Variants in PCDHA13 observed in about 807,000 individuals in gnomAD.
The protein encoded by PCDHA13 is protocadherin alpha 13.
In PCDHA13, 54 loss-of-function variants were observed where a neutral mutation model predicts 64.8. The observed-to-expected ratio is 0.83, with a 90% confidence interval of 0.67 to 1.04. The LOEUF (loss-of-function observed/expected upper bound fraction) is 1.04, where lower values mean the gene tolerates loss of function less well. Among genes scored for constraint, PCDHA13 ranks in the 50% least tolerant of loss-of-function variants. PCDHA13 has a pLI of 0.00. For missense variants in PCDHA13, 1,248 were observed against 1,254.3 expected (o/e 0.99, Z 0.08); for synonymous variants, 587 against 564.4 (o/e 1.04, Z -0.57).
At chr5:141,009,255 G>A (rs2098403504) in intron 3 of PCDHA13, among the ~76,000 whole-genome samples, 1 of 152,162 alleles carries the variant, frequency 6.6e-6, no homozygotes. Context: ...CAGTGTTTGA[G>A]ACCAGCCTGG....
intron 1 of PCDHA13, among the ~76,000 whole-genome samples, chr5:140,925,696 A>G (rs2153579068): frequency 6.6e-6 from 1 of 150,926 alleles, no homozygotes; most frequent in African/African-American, 2.4e-5. Context: ...GTGGGTATCT[A>G]GCCTATTCTT....
At chr5:140,947,635 G>T (rs1170525936) in intron 1 of PCDHA13, among the ~76,000 whole-genome samples, 1 of 151,538 alleles carries the variant, frequency 6.6e-6, no homozygotes, top group Non-Finnish European at 1.5e-5. Flanking sequence ...TCATCAGATC[G>T]TATGAACATA....
At chr5:140,935,676 A>G (rs1168512325) in intron 1 of PCDHA13, among the ~76,000 whole-genome samples, 1 of 152,166 alleles carries the variant, frequency 6.6e-6, no homozygotes, top group Non-Finnish European at 1.5e-5. Context: ...TATGTGAAAT[A>G]TTTACATGGC....
At chr5:140,935,255 C>T (rs914593610) in intron 1 of PCDHA13, among the ~76,000 whole-genome samples, 4 of 152,150 alleles carry the variant, frequency 2.6e-5, no homozygotes, top group African/African-American at 9.7e-5. Context: ...TAAAATACAT[C>T]ACATGTTTAT....
At chr5:140,941,150 G>T (rs894422349) in intron 1 of PCDHA13, among the ~76,000 whole-genome samples, 1 of 151,436 alleles carries the variant, frequency 6.6e-6, no homozygotes, top group Non-Finnish European at 1.5e-5. Context: ...TAGTTTGGAG[G>T]CCCCATAAGA....
intron 1 of PCDHA13, among the ~76,000 whole-genome samples, chr5:140,977,448 C>G (rs1265708365): frequency 6.6e-6 from 1 of 152,212 alleles, no homozygotes; most frequent in African/African-American, 2.4e-5. Flanking sequence ...ATAATGGAAA[C>G]TCCTTTGATT....
intron 1 of PCDHA13, among the ~76,000 whole-genome samples, chr5:140,913,241 T>C (rs1325092057): frequency 6.6e-6 from 1 of 152,226 alleles, no homozygotes; most frequent in African/African-American, 2.4e-5. Context: ...GGGAGACTTT[T>C]TGTTACAACT....
At chr5:140,998,850 A>T (rs904977478) in intron 3 of PCDHA13, among the ~76,000 whole-genome samples, 1 of 152,234 alleles carries the variant, frequency 6.6e-6, no homozygotes, top group African/African-American at 2.4e-5. Context: ...GGTGTGAGCC[A>T]CATGCCTGGC....
At chr5:140,920,249 G>A (rs782292641) in intron 1 of PCDHA13, among the ~76,000 whole-genome samples, 15 of 152,174 alleles carry the variant, frequency 9.9e-5, no homozygotes, top group Admixed American at 3.3e-4. Context: ...ACAATACATC[G>A]CTATAATAAT....
In PCDHA13 at chr5:140,967,673, C is replaced by T. The variant is rs1563368144; in HGVS notation, c.2395-11276C>T. On this transcript the variant is annotated intron_variant, in intron 1 of 3. Transcript: ENST00000289272. ...CTCCTTGAGCAGCTACACGTCGGAC[C>T]GGGAGAGGCAGCTCTTCAGCATAGA... The T allele has an allele frequency of 2.5e-6, 4 of 1,614,130 alleles. No homozygotes were observed. In the East Asian group the frequency reaches 6.7e-5, roughly 27 times the overall value.
chr5:140,966,909 T>C, intron 1 of PCDHA13: 1 of 1,601,466 alleles, frequency 6.2e-7, no homozygotes, highest in Non-Finnish European at 8.5e-7. Context: ...CGATACTCTG[T>C]GCCAGAGGAG....
chr5:140,954,920 G>A (rs1295412224), intron 1 of PCDHA13, among the ~76,000 whole-genome samples: 2 of 152,076 alleles, frequency 1.3e-5, no homozygotes, highest in East Asian at 3.9e-4. Context: ...TATGAATTAC[G>A]TCTTTAATTA....
At chr5:140,921,385 A>C (rs571029849) in intron 1 of PCDHA13, among the ~76,000 whole-genome samples, 1 of 152,294 alleles carries the variant, frequency 6.6e-6, no homozygotes, top group East Asian at 1.9e-4. Flanking sequence ...CATATTTGAT[A>C]AACATTCACA....
chr5:141,004,619 G>C (rs1004302739), intron 3 of PCDHA13, among the ~76,000 whole-genome samples: 9 of 152,136 alleles, frequency 5.9e-5, no homozygotes, highest in Non-Finnish European at 1.0e-4. Context: ...GCAGAGTCCT[G>C]GTTATGGTTG....
At chr5:141,000,052 C>G (rs945182675) in intron 3 of PCDHA13, among the ~76,000 whole-genome samples, 2 of 152,100 alleles carry the variant, frequency 1.3e-5, no homozygotes, top group Admixed American at 1.3e-4. Flanking sequence ...CACCACTCTC[C>G]CAGCTGCTCT....
chr5:140,943,435 A>G (rs941814689), intron 1 of PCDHA13, among the ~76,000 whole-genome samples: 2 of 152,148 alleles, frequency 1.3e-5, no homozygotes, highest in African/African-American at 4.8e-5. Flanking sequence ...AATATGATAT[A>G]AAGGATAGAA....
chr5:140,935,286 C>T (rs1283279527), intron 1 of PCDHA13, among the ~76,000 whole-genome samples: 1 of 152,150 alleles, frequency 6.6e-6, no homozygotes, highest in Non-Finnish European at 1.5e-5. Context: ...TAAAGTTCAG[C>T]ACTCCGAGGT....
chr5:141,006,404 G>A (rs1001810745), intron 3 of PCDHA13, among the ~76,000 whole-genome samples: 2 of 151,938 alleles, frequency 1.3e-5, no homozygotes, highest in East Asian at 1.9e-4. Flanking sequence ...TAGTAGAGAC[G>A]CGGTTTCACT....
intron 1 of PCDHA13, among the ~76,000 whole-genome samples, chr5:140,936,259 T>A (rs1327533719): frequency 6.6e-6 from 1 of 152,228 alleles, no homozygotes; most frequent in African/African-American, 2.4e-5. Context: ...CTTCAAGTCA[T>A]GAAGATATAT....
Sources: allele counts gnomAD v4.1 joint callset (sites outside exome capture counted in the v4.1 genomes callset), GRCh38; gene constraint gnomAD v4.1.1; transcripts MANE v1.5; gene names NCBI Gene and HGNC (gene_info 2026-07-23, HGNC 2026-07-21).